SLC26A5: variants seen among roughly 807,000 people sequenced by gnomAD.
SLC26A5 encodes the protein prestin.
SLC26A5 carries 51 observed loss-of-function variants against 81.0 expected under a neutral mutation model. The ratio of observed to expected loss-of-function variants is 0.63; its 90% CI spans 0.50 to 0.80. The LOEUF (loss-of-function observed/expected upper bound fraction) is 0.80. Ranked by LOEUF, SLC26A5 falls within the 30% of genes least tolerant of loss-of-function variation. The probability of loss-of-function intolerance (pLI) is 0.00; values close to 1 mark genes in which losing one functional copy is unlikely to be tolerated. For synonymous variants in SLC26A5, 325 were observed against 332.8 expected (o/e 0.98, Z 0.25); for missense variants, 771 against 905.8 (o/e 0.85, Z 1.91).
At chr7:103,422,967 A>G (rs1825461874) in intron 2 of SLC26A5, among the ~76,000 whole-genome samples, 1 of 149,470 alleles carries the variant, frequency 6.7e-6, no homozygotes, top group Non-Finnish European at 1.5e-5. Flanking sequence ...AATCACATTC[A>G]AATTGAAATC....
chr7:103,428,221 T>C (rs1268073747), intron 2 of SLC26A5, among the ~76,000 whole-genome samples: 1 of 152,170 alleles, frequency 6.6e-6, no homozygotes, highest in Non-Finnish European at 1.5e-5. Flanking sequence ...GTGAGACTGA[T>C]GCACAACCTA....
chr7:103,423,693 A>C (rs1256757375), intron 2 of SLC26A5, among the ~76,000 whole-genome samples: 2 of 152,210 alleles, frequency 1.3e-5, no homozygotes, highest in African/African-American at 4.8e-5. Context: ...TCTTGGAAGC[A>C]GAGACACCTG....
intron 17 of SLC26A5, among the ~76,000 whole-genome samples, 172 bp downstream of exon 17, chr7:103,378,274 G>C (rs1821504683): frequency 6.6e-6 from 1 of 152,036 alleles, no homozygotes; most frequent in South Asian, 2.1e-4. Context: ...TTCAGAAACA[G>C]CCTCATAACT....
chr7:103,356,263 T>C (rs1820027316), intron 19 of SLC26A5, among the ~76,000 whole-genome samples: 2 of 152,176 alleles, frequency 1.3e-5, no homozygotes, highest in South Asian at 4.1e-4. Flanking sequence ...AATTGCATAA[T>C]GTGTAGATGT....
intron 1 of SLC26A5, among the ~76,000 whole-genome samples, chr7:103,444,535 T>A (rs933643799): frequency 2.0e-5 from 3 of 152,236 alleles, no homozygotes; most frequent in African/African-American, 7.2e-5. Context: ...GTTAGAAACT[T>A]CCTCAGTCTT....
intron 12 of SLC26A5, among the ~76,000 whole-genome samples, chr7:103,389,737 C>T (rs1822494607): frequency 1.3e-5 from 2 of 152,174 alleles, no homozygotes; most frequent in South Asian, 4.2e-4. Flanking sequence ...ATTCTCCTGC[C>T]TCAACCTTCC....
chr7:103,437,153 G>A (rs941419176), intron 2 of SLC26A5, among the ~76,000 whole-genome samples: 9 of 152,162 alleles, frequency 5.9e-5, no homozygotes, highest in African/African-American at 1.9e-4. Flanking sequence ...CTCAAAAGAC[G>A]CAGAAGTGGC....
At chr7:103,429,738 G>C (rs1381328136) in intron 2 of SLC26A5, among the ~76,000 whole-genome samples, 1 of 152,220 alleles carries the variant, frequency 6.6e-6, no homozygotes. Flanking sequence ...CTGCAAGCTC[G>C]ATGAGGGCAG....
chr7:103,417,359 ACT>A (rs1397213295), intron 4 of SLC26A5, among the ~76,000 whole-genome samples: 1 of 142,098 alleles, frequency 7.0e-6, no homozygotes, highest in Non-Finnish European at 1.5e-5. Context: ...ATAGAGCGAG[ACT>A]CTGTCTCAAA....
intron 19 of SLC26A5, among the ~76,000 whole-genome samples, chr7:103,363,090 G>A (rs111293112): frequency 5.3e-5 from 8 of 152,226 alleles, no homozygotes; most frequent in East Asian, 1.9e-4. Flanking sequence ...CACTGAGCCC[G>A]GCAGTATTTT....
chr7:103,377,515 G>A, intron 18 of SLC26A5, 84 bp downstream of exon 18: 1 of 1,277,454 alleles, frequency 7.8e-7, no homozygotes, highest in Non-Finnish European at 1.1e-6. Flanking sequence ...GTTGAAAAGA[G>A]AGCCTAGCCC....
intron 9 of SLC26A5, among the ~76,000 whole-genome samples, chr7:103,394,840 G>T (rs1388965909): frequency 6.6e-6 from 1 of 152,202 alleles, no homozygotes; most frequent in African/African-American, 2.4e-5. Context: ...ACAGAATGTG[G>T]TGGAAGTGAT....
chr7:103,396,053 G>C (rs1038462281), intron 9 of SLC26A5, among the ~76,000 whole-genome samples: 1 of 152,156 alleles, frequency 6.6e-6, no homozygotes, highest in African/African-American at 2.4e-5. Context: ...TGGCCACCTG[G>C]CAGGTAAGGA....
chr7:103,439,081 T>C (rs1008157630), intron 2 of SLC26A5, among the ~76,000 whole-genome samples: 2 of 152,182 alleles, frequency 1.3e-5, no homozygotes, highest in East Asian at 1.9e-4. Context: ...ATTTATTTCA[T>C]GACTATTGGT....
intron 8 of SLC26A5, 141 bp from the exon 9 acceptor site, chr7:103,398,155 T>C: frequency 2.8e-6 from 2 of 725,884 alleles, no homozygotes; most frequent in South Asian, 3.0e-5. Context: ...TACCATTAGC[T>C]TCAACAATTC....
chr7:103,380,665 T>A (rs1821703826), intron 14 of SLC26A5, 116 bp from the exon 15 acceptor site: 2 of 881,944 alleles, frequency 2.3e-6, no homozygotes, highest in Admixed American at 1.9e-5. Flanking sequence ...GAATGCTTGA[T>A]CCTTACATGG....
chr7:103,418,696 G>A (rs1825108708), intron 4 of SLC26A5, among the ~76,000 whole-genome samples: 1 of 152,168 alleles, frequency 6.6e-6, no homozygotes, highest in Non-Finnish European at 1.5e-5. Flanking sequence ...TTTTTGACAA[G>A]TTATTTTTTT....
In SLC26A5 at chr7:103,421,565, TCA is replaced by T; in HGVS notation, c.-53_-52del. ...GCCGGAGACAAGCATTTCCTGAGTG[TCA>T]CTAGGGGAAAAAAGAAAAACTCCAT... On this transcript the variant is annotated splice_region_variant and 5_prime_UTR_variant, in exon 3 of 20. Transcript: ENST00000306312. 2 of 1,589,114 alleles carry T rather than the reference TCA, an allele frequency of 1.3e-6. No homozygotes were observed. The highest frequency in any genetic ancestry group is 8.6e-7 in the Non-Finnish European group (1 of 1,159,146).
intron 8 of SLC26A5, among the ~76,000 whole-genome samples, chr7:103,401,852 C>G (rs757162210): frequency 1.4e-4 from 21 of 152,010 alleles, no homozygotes; most frequent in Non-Finnish European, 2.4e-4. Flanking sequence ...ATGTGATGGA[C>G]TATGTTTATT....
Sources: gnomAD v4.1 joint callset for allele counts (sites outside exome capture counted in the v4.1 genomes callset) on GRCh38, gnomAD v4.1.1 for gene constraint, MANE v1.5 for transcripts, NCBI Gene and HGNC (gene_info 2026-07-23, HGNC 2026-07-21) for gene names.